Variants in CADM2 observed in about 807,000 individuals in gnomAD.
CADM2 encodes cell adhesion molecule 2, also known as immunoglobulin superfamily member 4D.
CADM2 carries 12 observed loss-of-function variants against 49.8 expected under a neutral mutation model. The observed-to-expected ratio is 0.24, with a 90% CI of 0.15 to 0.39. The LOEUF (loss-of-function observed/expected upper bound fraction) is 0.39, where lower values mean the gene tolerates loss of function less well. CADM2 is among the 10% of genes least tolerant of loss of function. The pLI, the probability that CADM2 is intolerant of heterozygous loss-of-function variation, is 1.00. For missense variants in CADM2, 378 were observed against 492.3 expected (o/e 0.77, Z 2.20); for synonymous variants, 214 against 175.4 (o/e 1.22, Z -1.74).
chr3:85,242,164 CT>C (rs2107837919), intron 1 of CADM2, among the ~76,000 whole-genome samples: 2 of 150,668 alleles, frequency 1.3e-5, no homozygotes, highest in South Asian at 4.2e-4. Context: ...TGGTATAAAA[CT>C]TTTCTACTTA....
intron 1 of CADM2, among the ~76,000 whole-genome samples, chr3:85,089,121 C>T (rs923816516): frequency 5.3e-5 from 8 of 150,542 alleles, no homozygotes; most frequent in East Asian, 1.9e-4. Context: ...AAAATTTATT[C>T]GGCAGTATTT....
At chr3:85,959,058 C>CTATATATCTA (rs1553713699) in intron 7 of CADM2, among the ~76,000 whole-genome samples, 4 of 150,372 alleles carry the variant, frequency 2.7e-5, no homozygotes, top group African/African-American at 9.8e-5. Flanking sequence ...ATCTATATAT[C>CTATATATCTA]TATATCTATA....
At position 85,580,356 on chromosome 3, in the gene CADM2, C is replaced by T. The variant is rs527505247; in HGVS notation, c.62-146166C>T. Among the ~76,000 whole-genome samples, 432 of 152,078 alleles carry T rather than the reference C, an allele frequency of 2.8e-3. 2 individuals are homozygous for T. The highest frequency in any genetic ancestry group is 4.7e-3 in the Non-Finnish European group (321 of 67,952). ...AAAAAAAATAAGAAGAAGAAATAACCTTTCCGATGCATCTTAGTTTGTGAG... is the reference window on the plus strand; with the variant it reads ...AAAAAAAATAAGAAGAAGAAATAACTTTTCCGATGCATCTTAGTTTGTGAG... On this transcript the variant is annotated intron_variant, in intron 1 of 9. Coordinates refer to ENST00000383699, the MANE Select transcript of CADM2 (RefSeq NM_001167675.2).
chr3:85,836,700 G>A (rs576961928), intron 3 of CADM2, among the ~76,000 whole-genome samples: 1 of 151,520 alleles, frequency 6.6e-6, no homozygotes, highest in Admixed American at 6.6e-5. Flanking sequence ...GATATCCAGG[G>A]AAACTTCAAA....
chr3:85,955,579 T>G (rs889602488), intron 7 of CADM2, among the ~76,000 whole-genome samples: 4 of 151,478 alleles, frequency 2.6e-5, no homozygotes, highest in Non-Finnish European at 4.4e-5. Context: ...CAGAAAAGAT[T>G]AGAAGTACTG....
chr3:85,400,982 C>T (rs1559821037), intron 1 of CADM2, among the ~76,000 whole-genome samples: 1 of 152,224 alleles, frequency 6.6e-6, no homozygotes, highest in Admixed American at 6.5e-5. Flanking sequence ...CTCCCGGCTG[C>T]TGCCTCCAAC....
intron 8 of CADM2, among the ~76,000 whole-genome samples, chr3:86,052,388 T>C (rs1436663002): frequency 1.3e-5 from 2 of 152,138 alleles, no homozygotes; most frequent in African/African-American, 4.8e-5. Flanking sequence ...GAATATAAAA[T>C]ACAGATATTT....
chr3:85,357,471 T>A (rs1398880491), intron 1 of CADM2, among the ~76,000 whole-genome samples: 1 of 152,122 alleles, frequency 6.6e-6, no homozygotes, highest in South Asian at 2.1e-4. Context: ...CATTTATTAT[T>A]GAGTACATAT....
intron 1 of CADM2, among the ~76,000 whole-genome samples, chr3:84,997,108 C>G (rs534479731): frequency 6.6e-6 from 1 of 152,222 alleles, no homozygotes; most frequent in East Asian, 1.9e-4. Flanking sequence ...TAAAAATTCT[C>G]TCTGTCTCAA....
At chr3:85,199,150 T>G (rs1016856546) in intron 1 of CADM2, among the ~76,000 whole-genome samples, 5 of 152,024 alleles carry the variant, frequency 3.3e-5, no homozygotes, top group African/African-American at 4.8e-5. Flanking sequence ...TGTTTTACCT[T>G]ATGACATTTT....
chr3:85,040,918 G>T (rs2035407425), intron 1 of CADM2, among the ~76,000 whole-genome samples: 1 of 152,098 alleles, frequency 6.6e-6, no homozygotes, highest in African/African-American at 2.4e-5. Flanking sequence ...TTGGCATGAA[G>T]TCAAACTCAT....
intron 1 of CADM2, among the ~76,000 whole-genome samples, chr3:85,068,597 C>A (rs995063009): frequency 2.6e-5 from 4 of 152,106 alleles, no homozygotes; most frequent in African/African-American, 9.7e-5. Flanking sequence ...ACGTTAAGAT[C>A]TATAATCTTC....
Position 86,066,802 on chromosome 3 carries a change from G to C in CADM2, c.*19G>C. ...CATTTAAGATGCAGGCCAAGATTCT[G>C]AGTTTTACTACCAGGCTGAATGCTG... is the stretch of plus-strand genomic sequence containing the variant. On this transcript the variant is annotated 3_prime_UTR_variant, in exon 10 of 10. Transcript: ENST00000383699. The C allele has an allele frequency of 5.3e-6, 8 of 1,510,712 alleles. No individual in the cohort carries two copies. The East Asian group carries it at 1.8e-4, about 34-fold the overall frequency. 93.6% of individuals were successfully genotyped at this position (1,510,712 alleles called of 1,614,324 possible).
At chr3:85,156,346 C>G (rs2040122082) in intron 1 of CADM2, among the ~76,000 whole-genome samples, 2 of 152,078 alleles carry the variant, frequency 1.3e-5, no homozygotes. Context: ...CTACAAACAC[C>G]TCTACACAAA....
rs375227774 is a variant in CADM2, at chr3:85,993,787, CTTTT to C, written c.970+32148_970+32151del. 3.4e-5 allele frequency: 5 copies of C among 147,218 alleles called. No homozygotes were observed. In the South Asian group the frequency reaches 8.6e-4, roughly 25 times the overall value. 9.1% of individuals were successfully genotyped at this position (147,218 alleles called of 1,614,324 possible). On this transcript the variant is annotated intron_variant, in intron 8 of 9. Coordinates refer to ENST00000383699, the MANE Select transcript of CADM2 (RefSeq NM_001167675.2). ...TGAGCAGTAATATCTTGAAAGGAAT[CTTTT>C]TTTTTTTCTTTTTCTGAGCAGTAGG...
At chr3:86,022,662 C>G (rs1027352883) in intron 8 of CADM2, among the ~76,000 whole-genome samples, 1 of 151,992 alleles carries the variant, frequency 6.6e-6, no homozygotes, top group Non-Finnish European at 1.5e-5. Context: ...GCCATTTTAG[C>G]TTTTTTATTA....
At chr3:85,076,832 C>T (rs929518720) in intron 1 of CADM2, among the ~76,000 whole-genome samples, 10 of 151,976 alleles carry the variant, frequency 6.6e-5, no homozygotes, top group South Asian at 6.3e-4. Flanking sequence ...ATTACAAGGG[C>T]GTGGTGGCAG....
intron 1 of CADM2, among the ~76,000 whole-genome samples, chr3:85,355,239 G>A (rs2031756804): frequency 1.3e-5 from 2 of 152,146 alleles, no homozygotes; most frequent in South Asian, 4.1e-4. Context: ...GTTAGCTAAA[G>A]GCAATAAAGG....
intron 1 of CADM2, among the ~76,000 whole-genome samples, chr3:84,985,494 T>C (rs537580299): frequency 6.6e-6 from 1 of 152,254 alleles, no homozygotes; most frequent in African/African-American, 2.4e-5. Context: ...AAATTTTGGT[T>C]TGTACTTTTT....
Sources: gnomAD v4.1 joint callset for allele counts (sites outside exome capture counted in the v4.1 genomes callset) on GRCh38, gnomAD v4.1.1 for gene constraint, MANE v1.5 for transcripts, NCBI Gene and HGNC (gene_info 2026-07-23, HGNC 2026-07-21) for gene names.